The following ZNF672 variants were observed in gnomAD, a reference collection of about 807,000 sequenced individuals.
ZNF672 encodes the protein hypothetical protein FLJ22301.
For missense variants in ZNF672, 733 were observed against 701.1 expected (o/e 1.05, Z -0.51); for synonymous variants, 358 against 305.6 (o/e 1.17, Z -1.79).
At chr1:248,841,191 G>T (rs1664674773) in intron 1 of ZNF672, among the ~76,000 whole-genome samples, 1 of 152,222 alleles carries the variant, frequency 6.6e-6, no homozygotes, top group Admixed American at 6.5e-5. Context: ...CTGTAGTCAG[G>T]CCCTTTCCTC....
chr1:248,841,047 G>A (rs1450081415), intron 1 of ZNF672, among the ~76,000 whole-genome samples: 1 of 152,084 alleles, frequency 6.6e-6, no homozygotes, highest in Non-Finnish European at 1.5e-5. Context: ...TGTATGTGCA[G>A]TGGGCAGTGC....
rs759913493 is a variant in ZNF672 at position 248,849,362 on chromosome 1, C to T, written c.*729C>T. On this transcript the variant is annotated 3_prime_UTR_variant, in exon 4 of 4. Transcript: ENST00000306562. ...TTTTCACTGGGACCCAGGCCAAAAC[C>T]ATGTGGGTGCACAAAGCCAGGCACT... is the stretch of plus-strand genomic sequence containing the variant. The T allele has an allele frequency of 1.4e-5, 5 of 346,674 alleles. No homozygotes were observed. Among genetic ancestry groups the T allele is most frequent in the Non-Finnish European group, 2.4e-5 (4 of 169,608 alleles). 21.5% of individuals were successfully genotyped at this position (346,674 alleles called of 1,614,324 possible). A position where few individuals can be genotyped will look rare whatever the true frequency, so the allele number is the denominator to read the frequency against.
At position 248,849,007 on chromosome 1, in the gene ZNF672, C is replaced by G. The variant is rs1441029773; in HGVS notation, c.*374C>G. 3.8e-6 allele frequency: 2 copies of G among 529,968 alleles called. No homozygotes were observed. Among genetic ancestry groups the G allele is most frequent in the Non-Finnish European group, 7.5e-6 (2 of 265,630 alleles). 32.8% of individuals were successfully genotyped at this position (529,968 alleles called of 1,614,324 possible). On this transcript the variant is annotated 3_prime_UTR_variant, in exon 4 of 4. Transcript: ENST00000306562. ...TATTCTGTCTTCTCTTGTCCTATCT[C>G]ATTCCAGCCCACATCTTCTCCTTTC...
In ZNF672 at chr1:248,844,579, A is replaced by C. The variant is rs561507982; in HGVS notation, c.-378A>C. 6.6e-6 allele frequency: 1 copy of C among 152,238 alleles called. No homozygotes were observed. The highest frequency in any genetic ancestry group is 1.5e-5 in the Non-Finnish European group (1 of 68,048). 9.4% of individuals were successfully genotyped at this position (152,238 alleles called of 1,614,324 possible). On this transcript the variant is annotated 5_prime_UTR_variant, in exon 2 of 4. Transcript: ENST00000306562. Reference sequence around the variant, plus strand: ...CTTGAAGAGCGTGCCTTGGGACTCAAGCGCCAAACCTGTACCCTAGCGAGT... The same window carrying C: ...CTTGAAGAGCGTGCCTTGGGACTCACGCGCCAAACCTGTACCCTAGCGAGT...
At chr1:248,844,740 C>T (rs933638142) in intron 2 of ZNF672, 104 bp downstream of exon 2, 1 of 152,296 alleles carries the variant, frequency 6.6e-6, no homozygotes, top group Non-Finnish European at 1.5e-5. Context: ...AGGGTGGGCT[C>T]CTAGACACAT....
rs770270186 is a variant in ZNF672, at chr1:248,848,366, C to G, written c.1092C>G (p.His364Gln). ...TGCATCGGCGCAACCATGCCGGCCA[C>G]AAGCCACACAAATGCCCCGAGTGCA... is the stretch of plus-strand genomic sequence containing the variant. ...LNVHRRNHAG[H>Q]KPHKCPECSK... The change falls in exon 4 of 4, where the codon CAC (histidine) becomes CAG (glutamine). Residue 364 changes from histidine to glutamine, a missense_variant. Transcript: ENST00000306562. 1 of 1,601,642 alleles carries G rather than the reference C, an allele frequency of 6.2e-7. No homozygotes were observed. Among genetic ancestry groups the G allele is most frequent in the Admixed American group, 1.7e-5 (1 of 60,004 alleles).
Position 248,848,017 on chromosome 1 carries a change from C to A in ZNF672, c.743C>A (p.Thr248Lys). Residue 248 changes from threonine (T) to lysine (K), a missense_variant, in exon 4 of 4, where the codon ACA becomes AAA. Transcript: ENST00000306562. ...GCCACGCTGGTGCGCCACCAGCGCA[C>A]ACACACGGGCGAGAAGCCGTACGCA... is the stretch of plus-strand genomic sequence containing the variant. ...ESATLVRHQRTHTGEKPYACG... is the reference protein window; with the variant it reads ...ESATLVRHQRKHTGEKPYACG... The A allele has an allele frequency of 6.4e-7, 1 of 1,555,886 alleles. No homozygotes were observed.
chr1:248,842,330 T>C (rs1292665055), intron 1 of ZNF672, among the ~76,000 whole-genome samples: 1 of 152,182 alleles, frequency 6.6e-6, no homozygotes, highest in African/African-American at 2.4e-5. Context: ...AGATACATTC[T>C]TTTGAAAGTT....
In ZNF672 at chr1:248,848,387, G is replaced by A. The variant is rs774742768; in HGVS notation, c.1113G>A (p.Glu371=). The change falls in exon 4 of 4, where the codon GAG becomes GAA. Residue 371 remains glutamate (E), a synonymous_variant. Coordinates refer to ENST00000306562, the MANE Select transcript of ZNF672 (RefSeq NM_024836.3). ...GCCACAAGCCACACAAATGCCCCGA[G>A]TGCAGCAAGGCCTTCAGCGTCGCCT... is the stretch of plus-strand genomic sequence containing the variant. ...HAGHKPHKCP[E]CSKAFSVASK... 2 of 1,603,524 alleles carry A rather than the reference G, an allele frequency of 1.2e-6. No individual in the cohort carries two copies. The highest frequency in any genetic ancestry group is 2.2e-5 in the South Asian group (2 of 91,086).
Position 248,848,186 on chromosome 1 carries a change from CCA to C in ZNF672, c.916_917del (p.Thr306GlyfsTer133). ...RSDLVVHQRI[H>X]TGEKPFACPE... is the part of the protein sequence containing the mutation. The stretch of plus-strand genomic sequence containing the variant: ...CCGACCTGGTGGTGCACCAGCGCAT[CCA>C]CACGGGCGAGAAGCCCTTCGCGTGC... On this transcript the variant is annotated frameshift_variant, in exon 4 of 4. Coordinates refer to ENST00000306562, the MANE Select transcript of ZNF672 (RefSeq NM_024836.3). LOFTEE classifies it low-confidence loss of function (END_TRUNC). 6.3e-7 allele frequency: 1 copy of C among 1,599,610 alleles called. No homozygotes were observed. Among genetic ancestry groups the C allele is most frequent in the South Asian group, 1.1e-5 (1 of 90,584 alleles).
At chr1:248,843,619 A>C (rs1479667575) in intron 1 of ZNF672, among the ~76,000 whole-genome samples, 1 of 152,254 alleles carries the variant, frequency 6.6e-6, no homozygotes, top group Non-Finnish European at 1.5e-5. Context: ...AGCACTATTC[A>C]ATAAAAATAA....
Position 248,842,284 on chromosome 1 carries a change from G to A in ZNF672, c.-474-2199G>A, listed in dbSNP as rs865890156. ...CTGGTGGAAACAGGAATAACAGTTC[G>A]CTCCTACCCCAAGTGCCTAAGTCTG... On this transcript the variant is annotated intron_variant, in intron 1 of 3. Transcript: ENST00000306562. Among the ~76,000 whole-genome samples, 7 of 152,112 alleles carry A rather than the reference G, an allele frequency of 4.6e-5. No homozygotes were observed. In the East Asian group the frequency reaches 1.2e-3, roughly 25 times the overall value.
chr1:248,848,273 CACGGGCGAGAAGCCCTACCGCTGCGA>C lies in ZNF672; in HGVS notation c.1002_1027del (p.Gly335ValfsTer96). 3 of 1,603,114 alleles carry C rather than the reference CACGGGCGAGAAGCCCTACCGCTGCGA, an allele frequency of 1.9e-6. No homozygotes were observed. Among genetic ancestry groups the C allele is most frequent in the Non-Finnish European group, 2.5e-6 (3 of 1,179,124 alleles). On this transcript the variant is annotated frameshift_variant, in exon 4 of 4. Transcript: ENST00000306562. LOFTEE classifies it low-confidence loss of function (END_TRUNC). Reference sequence around the variant, plus strand: ...ACCTCACCAAGCACCGGCGCACGCACACGGGCGAGAAGCCCTACCGCTGCGAACTGTGCGGCAAGCGGTTCACGTGC... The same window carrying C: ...ACCTCACCAAGCACCGGCGCACGCACACTGTGCGGCAAGCGGTTCACGTGC...
At position 248,846,961 on chromosome 1, in the gene ZNF672, C is replaced by T. The variant is rs944956089; in HGVS notation, c.-223-91C>T. On this transcript the variant is annotated intron_variant, in intron 3 of 3. Transcript: ENST00000306562. ...GAAGGGAATCCTGGAGATGGACTAC[C>T]TAAAGAAGTTATAACAAATAGGGAG... is the stretch of plus-strand genomic sequence containing the variant. The T allele has an allele frequency of 1.6e-5, 5 of 318,678 alleles. No homozygotes were observed. The East Asian group carries it at 2.8e-4, about 18-fold the overall frequency. 19.7% of individuals were successfully genotyped at this position (318,678 alleles called of 1,614,324 possible).
At chr1:248,842,173 T>A (rs1664688307) in intron 1 of ZNF672, among the ~76,000 whole-genome samples, 1 of 151,898 alleles carries the variant, frequency 6.6e-6, no homozygotes, top group African/African-American at 2.4e-5. Flanking sequence ...CTGTCCAGAG[T>A]GGAGAGGAAT....
Position 248,845,985 on chromosome 1 carries a change from A to G in ZNF672, c.-224+323A>G, listed in dbSNP as rs1442718817. 2.0e-5 allele frequency among the ~76,000 whole-genome samples: 3 copies of G among 152,202 alleles called. No homozygotes were observed. In the East Asian group the frequency reaches 5.8e-4, roughly 29 times the overall value. On this transcript the variant is annotated intron_variant, in intron 3 of 3. Transcript: ENST00000306562. ...GCATGTGAGGTTCTGTGCACATACTACAAAGGCTGACCCTGTTCCCAGACA... is the reference window on the plus strand; with the variant it reads ...GCATGTGAGGTTCTGTGCACATACTGCAAAGGCTGACCCTGTTCCCAGACA...
Position 248,847,914 on chromosome 1 carries a change from C to T in ZNF672, c.640C>T (p.Leu214=), listed in dbSNP as rs1184651014. Reference sequence around the variant, plus strand: ...CAAGTGCTTTGGCAAGAGCTCTACGCTGACGCGACACCTGCAGACGCACTC... The same window carrying T: ...CAAGTGCTTTGGCAAGAGCTCTACGTTGACGCGACACCTGCAGACGCACTC... ...CGKCFGKSST[L]TRHLQTHSGE... Residue 214 remains leucine, a synonymous_variant, in exon 4 of 4, where the codon CTG becomes TTG. Transcript: ENST00000306562. The T allele has an allele frequency of 1.9e-6, 3 of 1,583,642 alleles. No homozygotes were observed. Among genetic ancestry groups the T allele is most frequent in the African/African-American group, 1.3e-5 (1 of 74,302 alleles).
chr1:248,845,816 C>G (rs1009552365), intron 3 of ZNF672, among the ~76,000 whole-genome samples, 154 bp downstream of exon 3: 2 of 152,208 alleles, frequency 1.3e-5, no homozygotes, highest in African/African-American at 2.4e-5. Flanking sequence ...TCTCCCGCAT[C>G]TGTTGAGCGA....
rs1363827889 is a variant in ZNF672, at chr1:248,848,166, CTGG to C, written c.898_900del (p.Val300del). The C allele has an allele frequency of 1.9e-6, 3 of 1,596,362 alleles. No homozygotes were observed. The highest frequency in any genetic ancestry group is 2.6e-6 in the Non-Finnish European group (3 of 1,175,426). ...CAAGGGTTTCGGGCAGCGCTCCGAC[CTGG>C]TGGTGCACCAGCGCATCCACACGGG... is the stretch of plus-strand genomic sequence containing the variant. On this transcript the variant is annotated inframe_deletion, in exon 4 of 4. Transcript: ENST00000306562.
Sources: gnomAD v4.1 joint callset for allele counts (sites outside exome capture counted in the v4.1 genomes callset) on GRCh38, gnomAD v4.1.1 for gene constraint, MANE v1.5 for transcripts, NCBI Gene and HGNC (gene_info 2026-07-23, HGNC 2026-07-21) for gene names.